TLL2: variants seen among roughly 807,000 people sequenced by gnomAD.
TLL2 encodes tolloid-like protein 2.
In TLL2, 106 loss-of-function variants were observed where a neutral mutation model predicts 123.0. The ratio of observed to expected loss-of-function variants is 0.86; its 90% CI spans 0.74 to 1.01. The LOEUF (loss-of-function observed/expected upper bound fraction) is 1.01. Ranked by LOEUF, TLL2 falls within the 50% of genes least tolerant of loss-of-function variation. TLL2 has a pLI of 0.00. For missense variants in TLL2, 1,332 were observed against 1,336.7 expected (o/e 1.00, Z 0.06); for synonymous variants, 494 against 516.8 (o/e 0.96, Z 0.60).
chr10:96,494,058 G>A (rs1226430064), intron 1 of TLL2, among the ~76,000 whole-genome samples: 1 of 152,198 alleles, frequency 6.6e-6, no homozygotes, highest in East Asian at 1.9e-4. Flanking sequence ...CTGACCTCAG[G>A]GTCAGCAGGA....
chr10:96,395,763 T>C (rs1241057687), intron 12 of TLL2, 112 bp downstream of exon 12: 12 of 1,371,628 alleles, frequency 8.7e-6, no homozygotes, highest in Non-Finnish European at 1.1e-5. Context: ...GGCTTGAGAA[T>C]AGCCTCTTAG....
At chr10:96,455,390 A>G (rs994639491) in intron 2 of TLL2, among the ~76,000 whole-genome samples, 3 of 152,080 alleles carry the variant, frequency 2.0e-5, no homozygotes, top group South Asian at 4.1e-4. Context: ...AATCAGAGCA[A>G]CTCCATCTCA....
chr10:96,511,755 C>A (rs2086527176), intron 1 of TLL2, among the ~76,000 whole-genome samples: 1 of 152,212 alleles, frequency 6.6e-6, no homozygotes, highest in African/African-American at 2.4e-5. Flanking sequence ...CATTCCTGAG[C>A]AAATCAATCA....
chr10:96,512,007 G>C (rs908996760), intron 1 of TLL2, among the ~76,000 whole-genome samples: 5 of 152,184 alleles, frequency 3.3e-5, no homozygotes, highest in Non-Finnish European at 7.3e-5. Flanking sequence ...CCTGGGCCAG[G>C]CATGCTACCT....
chr10:96,430,187 GTCCCTCAAGAAGGGC>G (rs1178961541), intron 4 of TLL2, among the ~76,000 whole-genome samples: 1 of 152,204 alleles, frequency 6.6e-6, no homozygotes, highest in African/African-American at 2.4e-5. Context: ...ATGGGGATGG[GTCCCTCAAGAAGGGC>G]TTAGTGCCAT....
At chr10:96,407,448 C>T (rs1846461664) in intron 9 of TLL2, among the ~76,000 whole-genome samples, 1 of 152,096 alleles carries the variant, frequency 6.6e-6, no homozygotes, top group Non-Finnish European at 1.5e-5. Flanking sequence ...AAATACTTGC[C>T]CTCTAGTTTC....
Position 96,395,186 on chromosome 10 carries a change from C to A in TLL2, c.1726+1G>T. ...AGTGGAAACAAACTGCTAATTCATA[C>A]CCTTGAAAAAATTGGCTGCAAAGCC... On this transcript the variant is annotated splice_donor_variant, in intron 13 of 20. Transcript: ENST00000357947. LOFTEE classifies it high-confidence loss of function. 1.2e-6 allele frequency: 2 copies of A among 1,602,030 alleles called. No individual in the cohort carries two copies. Among genetic ancestry groups the A allele is most frequent in the Non-Finnish European group, 1.7e-6 (2 of 1,174,338 alleles).
At chr10:96,397,108 G>A in intron 11 of TLL2, 78 bp downstream of exon 11, 1 of 1,340,938 alleles carries the variant, frequency 7.5e-7, no homozygotes, top group Non-Finnish European at 1.0e-6. Flanking sequence ...GTCTGGGCTG[G>A]GAGAGGGACA....
Position 96,367,965 on chromosome 10 carries a change from T to TTAGCCTTA in TLL2, c.*122_*123insTAAGGCTA. 1 of 1,230,784 alleles carries TTAGCCTTA rather than the reference T, an allele frequency of 8.1e-7. No individual in the cohort carries two copies. 76.2% of individuals were successfully genotyped at this position (1,230,784 alleles called of 1,614,324 possible). ...AATATATACCTCTAAGGCTGGATTC[T>TTAGCCTTA]GAGTTTTTGTTTGAGAAAAATACTG... On this transcript the variant is annotated 3_prime_UTR_variant, in exon 21 of 21. Coordinates refer to ENST00000357947, the MANE Select transcript of TLL2 (RefSeq NM_012465.4).
chr10:96,512,831 C>T (rs1173277973), intron 1 of TLL2, among the ~76,000 whole-genome samples: 1 of 152,230 alleles, frequency 6.6e-6, no homozygotes, highest in Middle Eastern at 3.2e-3. Flanking sequence ...AGCTGCAGCG[C>T]CCGGGCGGCG....
intron 2 of TLL2, among the ~76,000 whole-genome samples, chr10:96,472,273 A>G (rs1283630192): frequency 6.6e-6 from 1 of 152,162 alleles, no homozygotes; most frequent in African/African-American, 2.4e-5. Context: ...AAATCGAGAC[A>G]TCGTCCCTTC....
chr10:96,476,314 A>T (rs571923322), intron 2 of TLL2, among the ~76,000 whole-genome samples: 107 of 146,510 alleles, frequency 7.3e-4, no homozygotes, highest in Non-Finnish European at 1.2e-3. Flanking sequence ...CAGTGGTACG[A>T]TCTTGGCTAG....
chr10:96,494,262 G>C (rs376009166), intron 1 of TLL2, among the ~76,000 whole-genome samples: 2 of 152,202 alleles, frequency 1.3e-5, no homozygotes, highest in East Asian at 1.9e-4. Flanking sequence ...TGCAGAGCTG[G>C]GGAGACTTCG....
At chr10:96,372,245 C>T (rs1054901023) in intron 19 of TLL2, among the ~76,000 whole-genome samples, 26 of 152,090 alleles carry the variant, frequency 1.7e-4, no homozygotes, top group Admixed American at 1.4e-3. Flanking sequence ...GCTGAACTGC[C>T]TCAGGATGCT....
intron 2 of TLL2, among the ~76,000 whole-genome samples, chr10:96,455,275 C>A (rs1391543162): frequency 6.6e-6 from 1 of 151,900 alleles, no homozygotes; most frequent in Non-Finnish European, 1.5e-5. Context: ...AAGATATAAT[C>A]TAAGAAAGGA....
At chr10:96,376,429 G>T (rs1247525517) in intron 18 of TLL2, among the ~76,000 whole-genome samples, 1 of 152,254 alleles carries the variant, frequency 6.6e-6, no homozygotes. Context: ...TGCAGATGTG[G>T]GTGGTGGATG....
intron 7 of TLL2, among the ~76,000 whole-genome samples, chr10:96,420,528 G>A (rs1846609434): frequency 6.6e-6 from 1 of 152,198 alleles, no homozygotes; most frequent in South Asian, 2.1e-4. Context: ...CCTCTAAAAT[G>A]AATCGATGAT....
At chr10:96,452,041 A>C (rs952579003) in intron 2 of TLL2, among the ~76,000 whole-genome samples, 5 of 152,270 alleles carry the variant, frequency 3.3e-5, no homozygotes, top group Admixed American at 1.3e-4. Context: ...TACTCCATTC[A>C]TTCAGTACGC....
At chr10:96,483,517 T>C (rs1847330631) in intron 1 of TLL2, among the ~76,000 whole-genome samples, 1 of 152,190 alleles carries the variant, frequency 6.6e-6, no homozygotes, top group Admixed American at 6.5e-5. Flanking sequence ...TCATGGTATA[T>C]TGAGTATGTA....
Sources: gnomAD v4.1 joint callset for allele counts (sites outside exome capture counted in the v4.1 genomes callset) on GRCh38, gnomAD v4.1.1 for gene constraint, MANE v1.5 for transcripts, NCBI Gene and HGNC (gene_info 2026-07-23, HGNC 2026-07-21) for gene names.